Variants in OLFM1 observed in about 807,000 individuals in gnomAD.
OLFM1 encodes the protein olfactomedin 1.
In OLFM1, 9 loss-of-function variants were observed where a neutral mutation model predicts 49.7. That is an observed-to-expected ratio of 0.18 (90% CI 0.11 to 0.32). The LOEUF is 0.32. Ranked by LOEUF, OLFM1 falls within the 10% of genes least tolerant of loss-of-function variation. OLFM1 has a pLI of 1.00. For missense variants in OLFM1, 369 were observed against 661.8 expected, an observed-to-expected ratio of 0.56 and a Z score of 4.85; for synonymous variants, 240 against 271.8, an observed-to-expected ratio of 0.88 and a Z score of 1.15.
chr9:135,075,935 G>C (rs551896951), intron 1 of OLFM1: 1 of 1,337,398 alleles, frequency 7.5e-7, no homozygotes, highest in African/African-American at 1.6e-5. Flanking sequence ...AAGTGCCGGG[G>C]TTGGGGAGGG....
intron 5 of OLFM1, among the ~76,000 whole-genome samples, chr9:135,118,203 G>A (rs72760820): frequency 0.2 from 30,451 of 152,112 alleles, 3,641 homozygotes; most frequent in Non-Finnish European, 0.28. Flanking sequence ...GGAAGTGCTC[G>A]CCGGGTCTTT....
intron 4 of OLFM1, 25 bp from the exon 5 acceptor site, chr9:135,106,724 T>C: frequency 6.2e-7 from 1 of 1,605,942 alleles, no homozygotes; most frequent in Non-Finnish European, 8.5e-7. Flanking sequence ...GCCCTCCCTC[T>C]CCTGACCTGC....
chr9:135,097,715 T>C lies in OLFM1; in HGVS notation c.457-571T>C, dbSNP rs1437758715. ...GACCATGCAAATATGTGTTTCCTGA[T>C]GGCTGTCTGTTTCAGGCAGGCTAGT... On this transcript the variant is annotated intron_variant, in intron 3 of 5. Transcript: ENST00000371793. 5 of 1,298,080 alleles carry C rather than the reference T, an allele frequency of 3.9e-6. No individual in the cohort carries two copies. In the African/African-American group the frequency reaches 5.8e-5, roughly 15 times the overall value. 80.4% of individuals were successfully genotyped at this position (1,298,080 alleles called of 1,614,324 possible).
At chr9:135,077,009 T>C in intron 1 of OLFM1, 1 of 1,550,522 alleles carries the variant, frequency 6.4e-7, no homozygotes, top group Non-Finnish European at 8.7e-7. Context: ...AGAGCCCTTC[T>C]CCTGGTGCTG....
chr9:135,117,986 G>A lies in OLFM1; in HGVS notation c.784-1518G>A, dbSNP rs992749409. On this transcript the variant is annotated intron_variant, in intron 5 of 5. Coordinates refer to ENST00000371793, the MANE Select transcript of OLFM1 (RefSeq NM_001282611.2). This position sits in a 1 kb window ranked among gnomAD's most constrained non-coding sequence, Gnocchi z 5.5. The stretch of plus-strand genomic sequence containing the variant: ...TGTCTCCTTTTGAGGAGTGTGCTGG[G>A]TTTGGAGGTAGGACGTGGCACCCTT... Among the ~76,000 whole-genome samples the A allele has an allele frequency of 6.6e-6, 1 of 152,236 alleles. No homozygotes were observed. Among genetic ancestry groups the A allele is most frequent in the Non-Finnish European group, 1.5e-5 (1 of 68,046 alleles).
Position 135,088,057 on chromosome 9 carries a change from C to G in OLFM1, c.68C>G (p.Ser23Cys), listed in dbSNP as rs1351241953. The G allele has an allele frequency of 4.1e-6, 6 of 1,447,834 alleles. No individual in the cohort carries two copies. Among genetic ancestry groups the G allele is most frequent in the Non-Finnish European group, 1.8e-6 (2 of 1,088,286 alleles). 89.7% of individuals were successfully genotyped at this position (1,447,834 alleles called of 1,614,324 possible). A position where few individuals can be genotyped will look rare whatever the true frequency, so the allele number is the denominator to read the frequency against. Residue 23 changes from serine (S) to cysteine (C), a missense_variant, in exon 1 of 6, where the codon TCC becomes TGC. Ser to Cys is a moderately radical substitution (Grantham distance 112). Transcript: ENST00000371793. The surrounding 1 kb of genome is among the most constrained non-coding windows in gnomAD (Gnocchi z 4.8). ...ATGGCCATGATCACTAACTGGATGTCCCAGACGCTGCCCTCGCTGGTGGGC... is the reference window on the plus strand; with the variant it reads ...ATGGCCATGATCACTAACTGGATGTGCCAGACGCTGCCCTCGCTGGTGGGC... ...STMAMITNWM[S>C]QTLPSLVGLN... is the part of the protein sequence containing the mutation.
At chr9:135,118,958 C>A (rs1412589374) in intron 5 of OLFM1, among the ~76,000 whole-genome samples, 4 of 135,496 alleles carry the variant, frequency 3.0e-5, no homozygotes, top group Non-Finnish European at 4.6e-5. Context: ...CTCACTGGGT[C>A]TTTGGAAATG....
chr9:135,098,707 C>T lies in OLFM1; in HGVS notation c.676+202C>T, dbSNP rs1165413329. Reference sequence around the variant, plus strand: ...CCCATCCTAGGGCATTGTTCAGAGCCGGGTCTTGTGCAGAGGCCACAGACC... The same window carrying T: ...CCCATCCTAGGGCATTGTTCAGAGCTGGGTCTTGTGCAGAGGCCACAGACC... On this transcript the variant is annotated intron_variant, in intron 4 of 5. Coordinates refer to ENST00000371793, the MANE Select transcript of OLFM1 (RefSeq NM_001282611.2). This position sits in a 1 kb window ranked among gnomAD's most constrained non-coding sequence, Gnocchi z 5.6. Among the ~76,000 whole-genome samples, 1 of 152,120 alleles carries T rather than the reference C, an allele frequency of 6.6e-6. No homozygotes were observed. The highest frequency in any genetic ancestry group is 1.5e-5 in the Non-Finnish European group (1 of 68,032).
chr9:135,083,899 T>C (rs960433531), upstream of OLFM1, among the ~76,000 whole-genome samples: 5 of 152,208 alleles, frequency 3.3e-5, no homozygotes, highest in Admixed American at 2.0e-4. Context: ...AAATCGCAGG[T>C]CACACAGCCA....
intron 1 of OLFM1, among the ~76,000 whole-genome samples, chr9:135,089,698 A>C (rs1285641612): frequency 6.6e-6 from 1 of 152,136 alleles, no homozygotes; most frequent in African/African-American, 2.4e-5. Flanking sequence ...GGGCTGTTAC[A>C]GTGGGTGCTT....
intron 1 of OLFM1, chr9:135,076,148 A>G (rs1454055329): frequency 1.9e-6 from 3 of 1,549,822 alleles, no homozygotes; most frequent in African/African-American, 1.4e-5. Flanking sequence ...GGGAAGAGTG[A>G]GAGCCGGATA....
chr9:135,090,112 C>T, intron 1 of OLFM1, 83 bp from the exon 2 acceptor site: 1 of 1,302,314 alleles, frequency 7.7e-7, no homozygotes, highest in Non-Finnish European at 1.1e-6. Flanking sequence ...TGGACAGTTT[C>T]CCCTGGTTGT....
chr9:135,088,180 C>T lies in OLFM1; in HGVS notation c.150+41C>T, dbSNP rs1411775916. 3.1e-6 allele frequency: 4 copies of T among 1,272,236 alleles called. No homozygotes were observed. Among genetic ancestry groups the T allele is most frequent in the Admixed American group, 3.9e-5 (1 of 25,384 alleles). The allele number at this position is 1,272,236 out of a possible 1,614,324, so 78.8% of individuals were successfully genotyped here. ...GGCCGCCTTGGCGCGGCTCCTCCTC[C>T]TCCTCCTCCTCCCCCTCCTCGGTCC... is the stretch of plus-strand genomic sequence containing the variant. On this transcript the variant is annotated intron_variant, in intron 1 of 5. Transcript: ENST00000371793. The surrounding 1 kb of genome is among the most constrained non-coding windows in gnomAD (Gnocchi z 4.8).
At chr9:135,106,714 G>A (rs778523869) in intron 4 of OLFM1, 35 bp from the exon 5 acceptor site, 47 of 1,587,244 alleles carry the variant, frequency 3.0e-5, no homozygotes, top group Non-Finnish European at 3.8e-5. Context: ...CGGGGCCCCC[G>A]CCCTCCCTCT....
intron 1 of OLFM1, among the ~76,000 whole-genome samples, chr9:135,078,903 C>A (rs1830499897): frequency 6.6e-6 from 1 of 152,204 alleles, no homozygotes; most frequent in Non-Finnish European, 1.5e-5. Flanking sequence ...GGCCCTTTAA[C>A]CCCTCTGAGC....
chr9:135,090,217 A>G lies in OLFM1; in HGVS notation c.173A>G (p.Glu58Gly). 1 of 1,612,352 alleles carries G rather than the reference A, an allele frequency of 6.2e-7. No homozygotes were observed. Among genetic ancestry groups the G allele is most frequent in the African/African-American group, 1.3e-5 (1 of 74,980 alleles). Residue 58 changes from glutamate to glycine, a missense_variant, in exon 2 of 6, where the codon GAG becomes GGG. Glu to Gly is a moderately conservative substitution (Grantham distance 98). Transcript: ENST00000371793. ...CAGGTGCTGCCCACCAACCCTGAGG[A>G]GAGCTGGCAGGTGTACAGCTCTGCC... is the stretch of plus-strand genomic sequence containing the variant. Reference protein sequence around the residue: ...STGVLPTNPEESWQVYSSAQD... With the variant: ...STGVLPTNPEGSWQVYSSAQD...
chr9:135,079,436 T>A (rs2119084407), intron 1 of OLFM1, among the ~76,000 whole-genome samples: 1 of 151,948 alleles, frequency 6.6e-6, no homozygotes, highest in African/African-American at 2.4e-5. Context: ...AAACCCCATT[T>A]CTACTAAAAA....
At chr9:135,087,412 C>G, upstream of OLFM1, 1 of 1,545,766 alleles carries the variant, frequency 6.5e-7, no homozygotes, top group Non-Finnish European at 8.7e-7. Context: ...GCGGGCCGTG[C>G]CCCCAGCTGG....
In OLFM1 at chr9:135,098,018, A is replaced by G; in HGVS notation, c.457-268A>G. ...TTGTCAATGCATTTTTTGAAAAAGAAAGAAAAAAAAAACTTCGTGTATGTG... is the reference window on the plus strand; with the variant it reads ...TTGTCAATGCATTTTTTGAAAAAGAGAGAAAAAAAAAACTTCGTGTATGTG... On this transcript the variant is annotated intron_variant, in intron 3 of 5. Coordinates refer to ENST00000371793, the MANE Select transcript of OLFM1 (RefSeq NM_001282611.2). This position sits in a 1 kb window ranked among gnomAD's most constrained non-coding sequence, Gnocchi z 5.6. 4 of 1,417,896 alleles carry G rather than the reference A, an allele frequency of 2.8e-6. No individual in the cohort carries two copies. The highest frequency in any genetic ancestry group is 3.7e-6 in the Non-Finnish European group (4 of 1,093,596). 87.8% of individuals were successfully genotyped at this position (1,417,896 alleles called of 1,614,324 possible). A position where few individuals can be genotyped will look rare whatever the true frequency, so the allele number is the denominator to read the frequency against.
Sources: allele counts gnomAD v4.1 joint callset (sites outside exome capture counted in the v4.1 genomes callset), GRCh38; gene constraint gnomAD v4.1.1; non-coding constraint Gnocchi (gnomAD v3.1); transcripts MANE v1.5; gene names NCBI Gene and HGNC (gene_info 2026-07-23, HGNC 2026-07-21).